The following ZNF475 variants were observed in gnomAD, a reference collection of about 807,000 sequenced individuals.
ZNF475 encodes the protein zinc finger protein 475.
chr5:122,179,588 C>T, the ZNF475 span: 4 of 1,526,532 alleles, frequency 2.6e-6, no homozygotes, highest in Non-Finnish European at 3.5e-6. Context: ...TTGTTTGCTA[C>T]ATTTGTGGTC....
At chr5:122,176,084 A>C in the ZNF475 span, among the ~76,000 whole-genome samples, 1 of 152,294 alleles carries the variant, frequency 6.6e-6, no homozygotes, top group South Asian at 2.1e-4. Context: ...AGCATCTGAC[A>C]AGGCTGATGA....
At chr5:122,181,626 C>T in the ZNF475 span, among the ~76,000 whole-genome samples, 7 of 152,132 alleles carry the variant, frequency 4.6e-5, no homozygotes, top group African/African-American at 7.2e-5. Flanking sequence ...TAAGCTTTAA[C>T]GAAGTAATCT....
At chr5:122,180,705 T>C in the ZNF475 span, among the ~76,000 whole-genome samples, 8 of 152,042 alleles carry the variant, frequency 5.3e-5, no homozygotes, top group African/African-American at 9.7e-5. Flanking sequence ...ACCTTGGGGG[T>C]CATTTAATGT....
the ZNF475 span, among the ~76,000 whole-genome samples, chr5:122,177,839 G>T: frequency 3.1e-4 from 47 of 151,952 alleles, no homozygotes; most frequent in African/African-American, 1.1e-3. Flanking sequence ...GTGGTTTGCT[G>T]CACCCATCAA....
At chr5:122,178,910 G>T in the ZNF475 span, among the ~76,000 whole-genome samples, 1 of 152,104 alleles carries the variant, frequency 6.6e-6, no homozygotes, top group Non-Finnish European at 1.5e-5. Flanking sequence ...CTTAATTTTT[G>T]TATAAGGTGT....
At chr5:122,178,581 T>G in the ZNF475 span, among the ~76,000 whole-genome samples, 1 of 152,226 alleles carries the variant, frequency 6.6e-6, no homozygotes, top group Non-Finnish European at 1.5e-5. Context: ...TTGATGGGGT[T>G]GCTTGTTTTT....
chr5:122,175,920 G>A, the ZNF475 span, among the ~76,000 whole-genome samples: 1 of 152,138 alleles, frequency 6.6e-6, no homozygotes, highest in African/African-American at 2.4e-5. Flanking sequence ...TTTTGAAAGT[G>A]TATTGTTCTC....
the ZNF475 span, among the ~76,000 whole-genome samples, chr5:122,167,952 T>G: frequency 2.6e-5 from 4 of 152,242 alleles, no homozygotes; most frequent in African/African-American, 9.6e-5. Flanking sequence ...GTAGCAGTAG[T>G]TCTTTTTTAT....
chr5:122,166,987 A>G, the ZNF475 span, among the ~76,000 whole-genome samples: 3 of 152,194 alleles, frequency 2.0e-5, no homozygotes, highest in African/African-American at 7.2e-5. Context: ...TTAGACATGA[A>G]GTCCTTGCCC....
chr5:122,178,487 G>C, the ZNF475 span, among the ~76,000 whole-genome samples: 1 of 152,218 alleles, frequency 6.6e-6, no homozygotes, highest in African/African-American at 2.4e-5. Context: ...CTAATGACCA[G>C]TGATGATGAG....
At chr5:122,177,378 A>G in the ZNF475 span, among the ~76,000 whole-genome samples, 1 of 152,198 alleles carries the variant, frequency 6.6e-6, no homozygotes, top group African/African-American at 2.4e-5. Context: ...TCTCAGATAT[A>G]TGGGTGTACT....
chr5:122,165,635 C>T, the ZNF475 span, among the ~76,000 whole-genome samples: 1 of 152,034 alleles, frequency 6.6e-6, no homozygotes, highest in Non-Finnish European at 1.5e-5. Context: ...CCTCTGGGTG[C>T]CCTGAGTTCT....
chr5:122,168,307 G>A, the ZNF475 span, among the ~76,000 whole-genome samples: 1 of 152,076 alleles, frequency 6.6e-6, no homozygotes, highest in South Asian at 2.1e-4. Context: ...GCCTCCCCTG[G>A]GATGACAGGC....
At chr5:122,181,942 C>A in the ZNF475 span, among the ~76,000 whole-genome samples, 1 of 152,112 alleles carries the variant, frequency 6.6e-6, no homozygotes, top group Non-Finnish European at 1.5e-5. Flanking sequence ...TAAAGAATAT[C>A]TGAGTTTATG....
At chr5:122,161,083 G>C in the ZNF475 span, among the ~76,000 whole-genome samples, 1 of 152,216 alleles carries the variant, frequency 6.6e-6, no homozygotes, top group South Asian at 2.1e-4. Flanking sequence ...GGGGAATTGA[G>C]AGAACTTTAC....
the ZNF475 span, chr5:122,162,216 TC>T: frequency 3.3e-5 from 5 of 152,240 alleles, no homozygotes; most frequent in African/African-American, 1.2e-4. Flanking sequence ...GTCAAATCTT[TC>T]TTAGGTTAAA....
chr5:122,168,466 T>G, the ZNF475 span, among the ~76,000 whole-genome samples: 1 of 152,210 alleles, frequency 6.6e-6, no homozygotes, highest in Non-Finnish European at 1.5e-5. Context: ...ATCCCAGCAC[T>G]TTGTGAGGCC....
chr5:122,167,524 A>G, the ZNF475 span, among the ~76,000 whole-genome samples: 1 of 152,216 alleles, frequency 6.6e-6, no homozygotes, highest in Non-Finnish European at 1.5e-5. Context: ...TAACTAAAAT[A>G]CATTACTTGA....
chr5:122,182,471 T>C, the ZNF475 span: 2 of 1,451,660 alleles, frequency 1.4e-6, no homozygotes, highest in Non-Finnish European at 1.8e-6. Context: ...TCTTTTTGCT[T>C]TTTTCCTTTA....
Sources: allele counts gnomAD v4.1 joint callset (sites outside exome capture counted in the v4.1 genomes callset), GRCh38; gene constraint gnomAD v4.1.1; transcripts MANE v1.5; gene names NCBI Gene and HGNC (gene_info 2026-07-23, HGNC 2026-07-21).